Variants in ZNF91 observed in about 807,000 individuals in gnomAD.
ZNF91 encodes the protein zinc finger protein 91.
A neutral mutation model predicts 12.6 loss-of-function variants in ZNF91; 7 were observed. The observed-to-expected ratio is 0.55, with a 90% CI of 0.31 to 1.04. The LOEUF is 1.04. Ranked by LOEUF, ZNF91 falls within the 50% of genes least tolerant of loss-of-function variation. The pLI is 0.05. For synonymous variants in ZNF91, 453 were observed against 462.6 expected, an observed-to-expected ratio of 0.98 and a Z score of 0.27; for missense variants, 1,217 against 1,385.4, an observed-to-expected ratio of 0.88 and a Z score of 1.93.
chr19:23,311,885 T>C (rs1262682608), upstream of ZNF91, among the ~76,000 whole-genome samples: 1 of 148,284 alleles, frequency 6.7e-6, no homozygotes, highest in Non-Finnish European at 1.5e-5. Context: ...AATTTTGTCT[T>C]CTGCCTAGGC....
chr19:23,377,745 G>T (rs760235918), intron 1 of ZNF91, among the ~76,000 whole-genome samples: 26 of 152,192 alleles, frequency 1.7e-4, no homozygotes, highest in Non-Finnish European at 3.2e-4. Context: ...CAATTTCTGA[G>T]TAAGTCTGCA....
At chr19:23,391,122 G>A (rs1970054342) in intron 1 of ZNF91, among the ~76,000 whole-genome samples, 1 of 152,308 alleles carries the variant, frequency 6.6e-6, no homozygotes, top group Admixed American at 6.5e-5. Context: ...ACTGTTAACA[G>A]CAATGTATAA....
chr19:23,310,220 GC>G (rs1967451182), intron 1 of ZNF91, among the ~76,000 whole-genome samples: 1 of 152,124 alleles, frequency 6.6e-6, no homozygotes, highest in Non-Finnish European at 1.5e-5. Context: ...TCTTAACATG[GC>G]CCTGAACAAA....
intron 3 of ZNF91, among the ~76,000 whole-genome samples, chr19:23,349,830 AAAAC>A (rs997506163): frequency 3.3e-5 from 5 of 152,206 alleles, no homozygotes; most frequent in African/African-American, 9.6e-5. Flanking sequence ...ATAATAATTT[AAAAC>A]AAACAAACAA....
chr19:23,383,418 T>C (rs564029069), intron 1 of ZNF91, among the ~76,000 whole-genome samples: 8 of 152,296 alleles, frequency 5.3e-5, no homozygotes, highest in African/African-American at 1.4e-4. Flanking sequence ...ATGGGTACAG[T>C]GGTTCAGTCC....
chr19:23,387,500 T>C (rs542205300), intron 1 of ZNF91, among the ~76,000 whole-genome samples: 2 of 152,278 alleles, frequency 1.3e-5, no homozygotes, highest in East Asian at 3.9e-4. Context: ...GTGGACTGCC[T>C]GAGCTCAGGA....
At chr19:23,318,609 T>C (rs1967619630) in intron 1 of ZNF91, among the ~76,000 whole-genome samples, 1 of 152,166 alleles carries the variant, frequency 6.6e-6, no homozygotes, top group Admixed American at 6.5e-5. Flanking sequence ...TCTAAGTTCA[T>C]GAACTATTTG....
intron 1 of ZNF91, chr19:23,384,803 A>G: frequency 1.5e-6 from 1 of 682,162 alleles, no homozygotes; most frequent in Non-Finnish European, 2.7e-6. Flanking sequence ...AGCACCTCAG[A>G]CTCTGTGTTC....
At position 23,359,347 on chromosome 19, in the gene ZNF91, C is replaced by T. The variant is rs752780454; in HGVS notation, c.*56G>A. The T allele has an allele frequency of 3.8e-5, 24 of 627,480 alleles. No individual in the cohort carries two copies. The highest frequency in any genetic ancestry group is 3.5e-4 in the South Asian group (18 of 51,050). 38.9% of individuals were successfully genotyped at this position (627,480 alleles called of 1,614,324 possible). A position where few individuals can be genotyped will look rare whatever the true frequency, so the allele number is the denominator to read the frequency against. ...ACGCCATTCTCCTGCCTCAGCCTCTCGCATAGCTGGGACTACAGGCGCCCG... is the reference window on the plus strand; with the variant it reads ...ACGCCATTCTCCTGCCTCAGCCTCTTGCATAGCTGGGACTACAGGCGCCCG... On this transcript the variant is annotated 3_prime_UTR_variant, in exon 4 of 4. Transcript: ENST00000300619.
intron 1 of ZNF91, among the ~76,000 whole-genome samples, chr19:23,386,660 A>G (rs919228379): frequency 1.3e-5 from 2 of 152,212 alleles, no homozygotes; most frequent in East Asian, 3.8e-4. Context: ...TCAACTCAAG[A>G]TTAATTAAAG....
chr19:23,373,760 T>C lies in ZNF91; in HGVS notation c.235A>G (p.Met79Val). The C allele has an allele frequency of 6.2e-7, 1 of 1,610,354 alleles. No homozygotes were observed. The stretch of plus-strand genomic sequence containing the variant: ...CACCTACCTGTGGGTTCATCCACCA[T>C]CTCATGTTGCTTCATATTCCAGGGC... The part of the protein sequence containing the change: ...KEPWNMKQHE[M>V]VDEPTGICPH... Residue 79 changes from methionine to valine, a missense_variant, in exon 3 of 4, where the codon ATG becomes GTG. Around this residue, in one of 2 missense-constraint regions of ZNF91, gnomAD observed 726 missense variants for 895.5 expected, o/e 0.81. Coordinates refer to ENST00000300619, the MANE Select transcript of ZNF91 (RefSeq NM_003430.4).
At chr19:23,338,660 T>C (rs1229484532), downstream of ZNF91, 1 of 146,714 alleles carries the variant, frequency 6.8e-6, no homozygotes, top group African/African-American at 2.6e-5. Flanking sequence ...CAAAGACAGA[T>C]AAAAAAATAA....
downstream of ZNF91, chr19:23,338,405 A>T (rs1968055760): frequency 6.6e-6 from 1 of 151,526 alleles, no homozygotes; most frequent in Non-Finnish European, 1.5e-5. Context: ...CAAAAATTTT[A>T]TATCAAGCTA....
chr19:23,383,131 G>A (rs1022983822), intron 1 of ZNF91, among the ~76,000 whole-genome samples: 6 of 152,052 alleles, frequency 3.9e-5, no homozygotes, highest in Non-Finnish European at 7.4e-5. Flanking sequence ...ATATCCAAAA[G>A]CTAACCCACT....
chr19:23,389,246 ACT>A (rs573060386), intron 1 of ZNF91, among the ~76,000 whole-genome samples: 85 of 152,276 alleles, frequency 5.6e-4, no homozygotes, highest in African/African-American at 1.8e-3. Context: ...GTGGGGCTGT[ACT>A]CTGATTTATT....
At chr19:23,311,310 C>G (rs775555104), upstream of ZNF91, among the ~76,000 whole-genome samples, 12 of 151,606 alleles carry the variant, frequency 7.9e-5, no homozygotes, top group Non-Finnish European at 1.6e-4. Flanking sequence ...TGCCTGGGCC[C>G]TGCACATATT....
chr19:23,360,237 T>C lies in ZNF91; in HGVS notation c.2742A>G (p.Glu914=). 6.2e-7 allele frequency: 1 copy of C among 1,614,104 alleles called. No individual in the cohort carries two copies. The highest frequency in any genetic ancestry group is 1.1e-5 in the South Asian group (1 of 91,084). Residue 914 remains glutamate (E), a synonymous_variant, in exon 4 of 4, where the codon GAA becomes GAG. Transcript: ENST00000300619. ...HTREKTYKCE[E]CGKAFSQPSH... The stretch of plus-strand genomic sequence containing the variant: ...AAGGCTGGCTAAATGCTTTGCCACA[T>C]TCTTCACATTTGTAGGTTTTCTCTC...
At chr19:23,315,861 A>C (rs547568727) in intron 1 of ZNF91, among the ~76,000 whole-genome samples, 1 of 152,196 alleles carries the variant, frequency 6.6e-6, no homozygotes, top group East Asian at 1.9e-4. Flanking sequence ...CCCAGAACCT[A>C]AGTAATGTGA....
rs530264735 is a variant in ZNF91, at chr19:23,359,284, G to C, written c.*119C>G. 1.2e-5 allele frequency: 6 copies of C among 485,818 alleles called. No individual in the cohort carries two copies. Among genetic ancestry groups the C allele is most frequent in the South Asian group, 2.2e-5 (1 of 45,186 alleles). 30.1% of individuals were successfully genotyped at this position (485,818 alleles called of 1,614,324 possible). The stretch of plus-strand genomic sequence containing the variant: ...GTCGCCCAGGCTTGAGTGCAGTGGC[G>C]TGATCTCGGCTCACTGCAAGCTCCG... On this transcript the variant is annotated 3_prime_UTR_variant, in exon 4 of 4. Transcript: ENST00000300619.
Sources: gnomAD v4.1 joint callset for allele counts (sites outside exome capture counted in the v4.1 genomes callset) on GRCh38, gnomAD v4.1.1 for gene constraint, gnomAD v4.1.1 regional missense constraint, MANE v1.5 for transcripts, NCBI Gene and HGNC (gene_info 2026-07-23, HGNC 2026-07-21) for gene names.